Variants in BMP2K observed in about 807,000 individuals in gnomAD.
BMP2K encodes BMP2 inducible kinase.
Under a neutral mutation model 116.0 loss-of-function variants are expected in BMP2K, and 74 were observed. That is an observed-to-expected ratio of 0.64 (90% CI 0.53 to 0.77). BMP2K has a LOEUF of 0.77. Ranked by LOEUF, BMP2K falls within the 30% of genes least tolerant of loss-of-function variation. The pLI is 0.00. For synonymous variants in BMP2K, 486 were observed against 502.5 expected (o/e 0.97, Z 0.44); for missense variants, 1,365 against 1,403.6 (o/e 0.97, Z 0.44).
chr4:78,872,303 C>CTT (rs34599936), intron 12 of BMP2K: 4,288 of 92,276 alleles, frequency 0.046, 671 homozygotes, highest in Non-Finnish European at 0.069. Flanking sequence ...ATAATTTGAC[C>CTT]TTTTTTTTTT....
intron 10 of BMP2K, 170 bp downstream of exon 10, chr4:78,865,890 ATTG>A (rs1732027542): frequency 8.9e-6 from 6 of 671,636 alleles, no homozygotes; most frequent in South Asian, 4.8e-5. Context: ...CAACAATTCA[ATTG>A]TTGTAGGCAA....
intron 9 of BMP2K, among the ~76,000 whole-genome samples, chr4:78,861,695 A>G (rs1490828372): frequency 6.6e-6 from 1 of 151,918 alleles, no homozygotes; most frequent in Non-Finnish European, 1.5e-5. Flanking sequence ...ATGACAAGTG[A>G]TTATTTAACT....
intron 1 of BMP2K, among the ~76,000 whole-genome samples, chr4:78,809,450 T>A (rs950086312): frequency 2.6e-5 from 4 of 152,114 alleles, no homozygotes; most frequent in African/African-American, 9.7e-5. Context: ...TGACCTTGGC[T>A]CACTGCAGCC....
Position 78,911,008 on chromosome 4 carries a change from A to G in BMP2K, c.2461A>G (p.Arg821Gly), listed in dbSNP as rs1224212637. 2 of 1,613,718 alleles carry G rather than the reference A, an allele frequency of 1.2e-6. No individual in the cohort carries two copies. Residue 821 changes from arginine to glycine, a missense_variant, in exon 16 of 16, where the codon AGA (arginine) becomes GGA (glycine). By Grantham distance (125) the Arg-to-Gly change is moderately radical. Around this residue, in one of 3 missense-constraint regions of BMP2K, gnomAD observed 596 missense variants for 623.2 expected, o/e 0.96. Transcript: ENST00000502613. Reference sequence around the variant, plus strand: ...GTACAGTGACATGAGCTCTGTCTACAGAGACAGATCTGGCAGTGGACCAAC... The same window carrying G: ...GTACAGTGACATGAGCTCTGTCTACGGAGACAGATCTGGCAGTGGACCAAC... ...AKYSDMSSVY[R>G]DRSGSGPTQD...
At chr4:78,799,941 C>T (rs72659097) in intron 1 of BMP2K, among the ~76,000 whole-genome samples, 6,935 of 152,060 alleles carry the variant, frequency 0.046, 223 homozygotes, top group Middle Eastern at 0.12. Flanking sequence ...CAGATTTAGT[C>T]GATGGAATAT....
At chr4:78,850,048 A>G (rs1731173715) in intron 6 of BMP2K, among the ~76,000 whole-genome samples, 6 of 151,746 alleles carry the variant, frequency 4.0e-5, no homozygotes, top group Admixed American at 4.0e-4. Context: ...AACTTGGACA[A>G]TTTTATACAA....
chr4:78,911,984 C>T lies in BMP2K; in HGVS notation c.3437C>T (p.Pro1146Leu), dbSNP rs749126686. 3.7e-5 allele frequency: 60 copies of T among 1,613,746 alleles called. 1 individual carries two copies. In the South Asian group the frequency reaches 6.1e-4, roughly 17 times the overall value. ...CCACATCAGTCCCAACAGTCCCAAC[C>T]AGTCGAATTAGACCCATTTGGTGCT... ...ITPHQSQQSQ[P>L]VELDPFGAAP... is the part of the protein sequence containing the mutation. The change falls in exon 16 of 16, where the codon CCA becomes CTA. Residue 1146 changes from proline (P) to leucine (L), a missense_variant. Physicochemically the swap from Pro to Leu is moderately conservative, Grantham distance 98. Around this residue, in one of 3 missense-constraint regions of BMP2K, gnomAD observed 596 missense variants for 623.2 expected, o/e 0.96. Transcript: ENST00000502613.
chr4:78,779,216 A>G (rs568569347), intron 1 of BMP2K, among the ~76,000 whole-genome samples: 3 of 152,312 alleles, frequency 2.0e-5, no homozygotes, highest in South Asian at 4.1e-4. Context: ...ATTTTTGTCA[A>G]CTGATCAAGA....
intron 15 of BMP2K, among the ~76,000 whole-genome samples, chr4:78,891,364 T>A (rs888965039): frequency 6.6e-6 from 1 of 152,184 alleles, no homozygotes; most frequent in Non-Finnish European, 1.5e-5. Flanking sequence ...ATTCAAGATG[T>A]TGTACCTTTT....
chr4:78,820,050 A>T (rs536634366), intron 1 of BMP2K, among the ~76,000 whole-genome samples: 2 of 152,312 alleles, frequency 1.3e-5, no homozygotes, highest in African/African-American at 4.8e-5. Flanking sequence ...ATGTTATTGT[A>T]CAATTATCTT....
chr4:78,865,934 T>C (rs770228664), intron 10 of BMP2K, among the ~76,000 whole-genome samples: 5 of 152,192 alleles, frequency 3.3e-5, no homozygotes, highest in Non-Finnish European at 7.3e-5. Flanking sequence ...AAAAGTATGG[T>C]ACAAAAAACT....
At chr4:78,876,057 G>T (rs927230773) in intron 13 of BMP2K, among the ~76,000 whole-genome samples, 1 of 152,184 alleles carries the variant, frequency 6.6e-6, no homozygotes, top group African/African-American at 2.4e-5. Flanking sequence ...ATAACTTGTA[G>T]ACATTTTTTA....
intron 9 of BMP2K, among the ~76,000 whole-genome samples, chr4:78,861,769 A>G (rs920627214): frequency 1.3e-5 from 2 of 151,866 alleles, no homozygotes; most frequent in African/African-American, 2.4e-5. Context: ...TAGCAACTCT[A>G]GTTTAGGAAA....
intron 1 of BMP2K, among the ~76,000 whole-genome samples, chr4:78,810,477 A>G (rs571152428): frequency 2.0e-5 from 3 of 152,338 alleles, no homozygotes; most frequent in African/African-American, 7.2e-5. Flanking sequence ...CAGCTACAAT[A>G]TTATACAATT....
At chr4:78,861,744 G>A (rs1731803501) in intron 9 of BMP2K, among the ~76,000 whole-genome samples, 1 of 151,854 alleles carries the variant, frequency 6.6e-6, no homozygotes, top group Admixed American at 6.6e-5. Flanking sequence ...GACAGGATTT[G>A]TCATTTTCAT....
At chr4:78,840,749 G>C (rs750455399) in intron 3 of BMP2K, among the ~76,000 whole-genome samples, 4 of 151,942 alleles carry the variant, frequency 2.6e-5, no homozygotes, top group Non-Finnish European at 4.4e-5. Context: ...CTAGGGACTT[G>C]TTTTTTGTGA....
intron 1 of BMP2K, among the ~76,000 whole-genome samples, chr4:78,777,927 G>A (rs1488753205): frequency 6.6e-6 from 1 of 152,176 alleles, no homozygotes; most frequent in African/African-American, 2.4e-5. Flanking sequence ...GATCTTAGCC[G>A]AAACTTGGAG....
At chr4:78,890,951 T>A (rs188122094) in intron 15 of BMP2K, among the ~76,000 whole-genome samples, 120 of 152,288 alleles carry the variant, frequency 7.9e-4, no homozygotes, top group Admixed American at 2.1e-3. Flanking sequence ...TCCCAGCATT[T>A]TGGGAGGCTG....
chr4:78,776,710 C>G lies in BMP2K; in HGVS notation c.167C>G (p.Ser56Trp), dbSNP rs1011533608. 7.9e-7 allele frequency: 1 copy of G among 1,266,470 alleles called. No homozygotes were observed. The highest frequency in any genetic ancestry group is 1.0e-6 in the Non-Finnish European group (1 of 1,002,036). The allele number at this position is 1,266,470 out of a possible 1,614,324, so 78.5% of individuals were successfully genotyped here. A position where few individuals can be genotyped will look rare whatever the true frequency, so the allele number is the denominator to read the frequency against. Residue 56 changes from serine (S) to tryptophan (W), a missense_variant, in exon 1 of 16, where the codon TCG (serine) becomes TGG (tryptophan). This residue lies in a region of BMP2K where 762 missense variants were observed against 756.7 expected (regional missense o/e 1.01). Transcript: ENST00000502613. The stretch of plus-strand genomic sequence containing the variant: ...CGCCACCAGGTCACCCTGGAAGAGT[C>G]GCTGGCCGAAGGTACGGGCGCCCGG... ...VGRHQVTLEESLAEGGFSTVF... is the reference protein window; with the variant it reads ...VGRHQVTLEEWLAEGGFSTVF...
Sources: gnomAD v4.1 joint callset for allele counts (sites outside exome capture counted in the v4.1 genomes callset) on GRCh38, gnomAD v4.1.1 for gene constraint, gnomAD v4.1.1 regional missense constraint, MANE v1.5 for transcripts, NCBI Gene and HGNC (gene_info 2026-07-23, HGNC 2026-07-21) for gene names.